SNTG1: variants seen among roughly 807,000 people sequenced by gnomAD.
The protein encoded by SNTG1 is gamma-1-syntrophin.
In SNTG1, 39 loss-of-function variants were observed where a neutral mutation model predicts 74.7. That is an observed-to-expected ratio of 0.52 (90% CI 0.40 to 0.68). The LOEUF is 0.68. Ranked by LOEUF, SNTG1 falls within the 30% of genes least tolerant of loss-of-function variation. The pLI is 0.00. For missense variants in SNTG1, 685 were observed against 609.5 expected (o/e 1.12, Z -1.30); for synonymous variants, 254 against 217.1 (o/e 1.17, Z -1.49).
intron 11 of SNTG1, among the ~76,000 whole-genome samples, chr8:50,546,342 G>A (rs983815952): frequency 6.6e-6 from 1 of 151,986 alleles, no homozygotes; most frequent in African/African-American, 2.4e-5. Context: ...TAAAATTTAA[G>A]CATATCATGA....
chr8:50,345,713 T>C (rs1355346758), intron 2 of SNTG1, among the ~76,000 whole-genome samples: 1 of 152,254 alleles, frequency 6.6e-6, no homozygotes, highest in Non-Finnish European at 1.5e-5. Flanking sequence ...TTTTTCAGTA[T>C]ATTTTATACC....
Position 50,060,158 on chromosome 8 carries a change from A to G in SNTG1, c.-102-112403A>G, listed in dbSNP as rs572335351. 6.7e-4 allele frequency among the ~76,000 whole-genome samples: 102 copies of G among 152,202 alleles called. 2 individuals are homozygous for G. Among genetic ancestry groups the G allele is most frequent in the South Asian group, 3.7e-3 (18 of 4,826 alleles). On this transcript the variant is annotated intron_variant, in intron 1 of 18. Coordinates refer to ENST00000642720, the MANE Select transcript of SNTG1 (RefSeq NM_018967.5). ...GGTCATTTGTATAGATTCTTTGGAG[A>G]CATATCTATTCAGATCATTTGACCA...
intron 2 of SNTG1, chr8:50,382,014 A>C (rs953838555): frequency 1.1e-4 from 16 of 151,430 alleles, no homozygotes; most frequent in African/African-American, 3.9e-4. Context: ...GAAAGATGTA[A>C]GCTGGGAGGC....
At chr8:50,515,416 GT>G (rs148621726) in intron 9 of SNTG1, among the ~76,000 whole-genome samples, 26,785 of 51,842 alleles carry the variant, frequency 0.52, 4,150 homozygotes, top group African/African-American at 0.63. Flanking sequence ...TTTTTTTTTT[GT>G]TACTCCAGTG....
chr8:50,787,339 A>G (rs1010687866), intron 18 of SNTG1, among the ~76,000 whole-genome samples: 1 of 151,890 alleles, frequency 6.6e-6, no homozygotes, highest in Admixed American at 6.6e-5. Flanking sequence ...AAGAAACTAG[A>G]CAATAATAAT....
intron 2 of SNTG1, among the ~76,000 whole-genome samples, chr8:50,282,591 G>A (rs35322156): frequency 0.55 from 79,343 of 144,510 alleles, 23,748 homozygotes; most frequent in East Asian, 0.84. Flanking sequence ...TGTCTGCCCC[G>A]TCCCTACTGA....
At chr8:50,422,336 A>G (rs1284384821) in intron 4 of SNTG1, among the ~76,000 whole-genome samples, 1 of 4,948 alleles carries the variant, frequency 2.0e-4, no homozygotes, top group African/African-American at 2.1e-4. Flanking sequence ...ACAAAAAGAT[A>G]TATAGAAGGA....
chr8:50,072,098 A>C (rs1050237661), intron 1 of SNTG1, among the ~76,000 whole-genome samples: 1 of 152,204 alleles, frequency 6.6e-6, no homozygotes, highest in South Asian at 2.1e-4. Flanking sequence ...TAAATAGCAG[A>C]TTACAATTTA....
chr8:50,463,630 C>CAG (rs1563422113), intron 8 of SNTG1, among the ~76,000 whole-genome samples: 31 of 152,106 alleles, frequency 2.0e-4, no homozygotes, highest in African/African-American at 7.0e-4. Context: ...AAACAGATGT[C>CAG]CTGTCATCTA....
intron 1 of SNTG1, among the ~76,000 whole-genome samples, chr8:50,054,772 A>G (rs1819882572): frequency 6.6e-6 from 1 of 152,068 alleles, no homozygotes; most frequent in African/African-American, 2.4e-5. Flanking sequence ...CTTGGGTCCA[A>G]GCCATTTTCT....
At chr8:50,006,359 T>C (rs199516527) in intron 1 of SNTG1, among the ~76,000 whole-genome samples, 3 of 152,246 alleles carry the variant, frequency 2.0e-5, no homozygotes, top group East Asian at 3.9e-4. Context: ...CTTTTTTTTA[T>C]GATGACTGCT....
chr8:50,730,782 C>T (rs2095511090), intron 17 of SNTG1, among the ~76,000 whole-genome samples: 1 of 152,158 alleles, frequency 6.6e-6, no homozygotes, highest in Non-Finnish European at 1.5e-5. Context: ...GCTTCCATAT[C>T]CTCCCAGAAG....
intron 2 of SNTG1, among the ~76,000 whole-genome samples, chr8:50,300,000 C>CTT (rs2089575179): frequency 6.6e-6 from 1 of 152,250 alleles, no homozygotes; most frequent in Non-Finnish European, 1.5e-5. Flanking sequence ...AAGCCTGTCA[C>CTT]ATATTTTCAA....
At position 50,794,222 on chromosome 8, in the gene SNTG1, T is replaced by A. The variant is rs1200892474; in HGVS notation, c.*1393T>A. 1.3e-5 allele frequency: 2 copies of A among 148,488 alleles called. No homozygotes were observed. Among genetic ancestry groups the A allele is most frequent in the East Asian group, 3.9e-4 (2 of 5,168 alleles). The allele number at this position is 148,488 out of a possible 1,614,324, so 9.2% of individuals were successfully genotyped here. A position where few individuals can be genotyped will look rare whatever the true frequency, so the allele number is the denominator to read the frequency against. On this transcript the variant is annotated 3_prime_UTR_variant, in exon 19 of 19. Coordinates refer to ENST00000642720, the MANE Select transcript of SNTG1 (RefSeq NM_018967.5). Reference sequence around the variant, plus strand: ...CAAGTATCTAATAAATTGATTCAATTTTTTTTTTCAAATATGTTTTTAAAA... The same window carrying A: ...CAAGTATCTAATAAATTGATTCAATATTTTTTTTCAAATATGTTTTTAAAA...
intron 13 of SNTG1, among the ~76,000 whole-genome samples, chr8:50,638,171 C>G (rs1269796485): frequency 2.0e-5 from 3 of 151,966 alleles, no homozygotes; most frequent in African/African-American, 4.8e-5. Context: ...AACTAGAAAA[C>G]AAAAAGAGAT....
chr8:50,518,192 G>A (rs1347087253), intron 9 of SNTG1, among the ~76,000 whole-genome samples: 4 of 152,152 alleles, frequency 2.6e-5, no homozygotes, highest in Non-Finnish European at 4.4e-5. Context: ...TGAACAAGCT[G>A]CTCCAGAGTG....
At chr8:50,085,226 G>A (rs1429488662) in intron 1 of SNTG1, among the ~76,000 whole-genome samples, 1 of 152,114 alleles carries the variant, frequency 6.6e-6, no homozygotes, top group Non-Finnish European at 1.5e-5. Context: ...GTGCAAGTCA[G>A]AACAAACAAT....
chr8:50,120,019 A>AGAAGAT (rs1213748005), intron 1 of SNTG1, among the ~76,000 whole-genome samples: 1 of 141,946 alleles, frequency 7.0e-6, no homozygotes, highest in African/African-American at 2.5e-5. Context: ...GAAGCACAGT[A>AGAAGAT]GAAGATGAAG....
At chr8:49,911,168 G>A (rs1317812477), upstream of SNTG1, 1 of 152,124 alleles carries the variant, frequency 6.6e-6, no homozygotes, top group African/African-American at 2.4e-5. Context: ...GTTTAATTTA[G>A]GAATTTCAAA....
Sources: gnomAD v4.1 joint callset for allele counts (sites outside exome capture counted in the v4.1 genomes callset) on GRCh38, gnomAD v4.1.1 for gene constraint, MANE v1.5 for transcripts, NCBI Gene and HGNC (gene_info 2026-07-23, HGNC 2026-07-21) for gene names.